SNTA1: variants seen among roughly 807,000 people sequenced by gnomAD.
The protein encoded by SNTA1 is syntrophin alpha 1.
A neutral mutation model predicts 47.1 loss-of-function variants in SNTA1; 31 were observed. The ratio of observed to expected loss-of-function variants is 0.66; its 90% CI spans 0.49 to 0.89. The LOEUF (loss-of-function observed/expected upper bound fraction) is 0.89. SNTA1 is among the 40% of genes least tolerant of loss of function. The probability of loss-of-function intolerance (pLI) is 0.00; values close to 1 mark genes in which losing one functional copy is unlikely to be tolerated. For missense variants in SNTA1, 575 were observed against 693.0 expected, an observed-to-expected ratio of 0.83 and a Z score of 1.91; for synonymous variants, 300 against 313.6, an observed-to-expected ratio of 0.96 and a Z score of 0.46.
Position 33,408,899 on chromosome 20 carries a change from G to A in SNTA1, c.1238-11C>T, listed in dbSNP as rs779500941. On this transcript the variant is annotated splice_polypyrimidine_tract_variant and intron_variant, in intron 6 of 7. Coordinates refer to ENST00000217381, the MANE Select transcript of SNTA1 (RefSeq NM_003098.3). ...CATTCCACGTGCAGGCTGCAGGGAG[G>A]GCACATAGGTACAGGCACAGCTGGC... 2.2e-5 allele frequency: 36 copies of A among 1,612,918 alleles called. No homozygotes were observed. In the Admixed American group the frequency reaches 4.0e-4, roughly 18 times the overall value.
intron 5 of SNTA1, among the ~76,000 whole-genome samples, chr20:33,410,857 C>G (rs1989722759): frequency 1.3e-5 from 2 of 152,112 alleles, no homozygotes; most frequent in African/African-American, 4.8e-5. Flanking sequence ...CACTGTATTC[C>G]CAGTAACTAA....
intron 2 of SNTA1, among the ~76,000 whole-genome samples, chr20:33,435,595 G>GA (rs1990424265): frequency 2.0e-5 from 3 of 151,874 alleles, no homozygotes; most frequent in South Asian, 2.1e-4. Context: ...CCTGCCTCAA[G>GA]AAAAAAACAC....
intron 2 of SNTA1, among the ~76,000 whole-genome samples, chr20:33,421,957 C>CAAAAA (rs34754645): frequency 1.4e-5 from 1 of 70,042 alleles, no homozygotes; most frequent in Non-Finnish European, 2.6e-5. Context: ...ACCCTGTCTC[C>CAAAAA]AAAAAAAAAA....
At chr20:33,438,733 C>A in intron 2 of SNTA1, 108 bp downstream of exon 2, 1 of 953,460 alleles carries the variant, frequency 1.0e-6, no homozygotes, top group Non-Finnish European at 1.7e-6. Flanking sequence ...TCCTGCCCAC[C>A]TCCCAGCCCC....
At chr20:33,412,480 C>T in intron 4 of SNTA1, 54 bp from the exon 5 acceptor site, 1 of 1,606,712 alleles carries the variant, frequency 6.2e-7, no homozygotes, top group Non-Finnish European at 8.5e-7. Flanking sequence ...GGGCAGAGGG[C>T]CAGGGCAGGG....
At position 33,412,347 on chromosome 20, in the gene SNTA1, G is replaced by A. The variant is rs546104057; in HGVS notation, c.989C>T (p.Thr330Ile). The A allele has an allele frequency of 3.2e-5, 51 of 1,611,968 alleles. No individual in the cohort carries two copies. The South Asian group carries it at 5.0e-4, about 16-fold the overall frequency. Residue 330 changes from threonine to isoleucine, a missense_variant, in exon 5 of 8, where the codon ACC becomes ATC. Coordinates refer to ENST00000217381, the MANE Select transcript of SNTA1 (RefSeq NM_003098.3). Reference protein sequence around the residue: ...ELLLYLSLPETREALSRPART... With the variant: ...ELLLYLSLPEIREALSRPART... ...GGCTGGCCGGCTCAGGGCCTCGCGGGTCTCGGGGAGAGACAAGTAGAGGAG... is the reference window on the plus strand; with the variant it reads ...GGCTGGCCGGCTCAGGGCCTCGCGGATCTCGGGGAGAGACAAGTAGAGGAG...
In SNTA1 at chr20:33,414,667, A is replaced by C. The variant is rs914424511; in HGVS notation, c.702-1885T>G. Among the ~76,000 whole-genome samples the C allele has an allele frequency of 2.8e-4, 42 of 152,346 alleles. 1 individual carries two copies. In the East Asian group the frequency reaches 7.3e-3, roughly 27 times the overall value. On this transcript the variant is annotated intron_variant, in intron 3 of 7. Transcript: ENST00000217381. ...GTTGGTTTGTGATACAGCAACAGAT[A>C]GCCAAAATACTAGCAGAAAAGACTC...
In SNTA1 at chr20:33,417,819, A is replaced by G. The variant is rs1274179290; in HGVS notation, c.601T>C (p.Ser201Pro). The G allele has an allele frequency of 6.2e-7, 1 of 1,613,868 alleles. No individual in the cohort carries two copies. Among genetic ancestry groups the G allele is most frequent in the Non-Finnish European group, 8.5e-7 (1 of 1,179,956 alleles). Residue 201 changes from serine (S) to proline (P), a missense_variant, in exon 3 of 8, where the codon TCC becomes CCC. By Grantham distance (74) the Ser-to-Pro change is moderately conservative. Coordinates refer to ENST00000217381, the MANE Select transcript of SNTA1 (RefSeq NM_003098.3). ...AAGTTCCGGGGTGTGGGGCCAGGGG[A>G]GGAAGGCTGCCGCTGAAGGGGTGAG... The part of the protein sequence containing the change: ...PASPLQRQPS[S>P]PGPTPRNFSE...
chr20:33,432,932 T>C (rs1278403757), intron 2 of SNTA1, among the ~76,000 whole-genome samples: 1 of 151,754 alleles, frequency 6.6e-6, no homozygotes, highest in Non-Finnish European at 1.5e-5. Context: ...ATTCACTTTA[T>C]TAATTTTTTT....
chr20:33,439,666 T>G (rs1990531779), intron 1 of SNTA1, among the ~76,000 whole-genome samples: 1 of 152,218 alleles, frequency 6.6e-6, no homozygotes, highest in African/African-American at 2.4e-5. Flanking sequence ...TAAATATATA[T>G]GCCTACTATG....
chr20:33,436,112 G>A (rs771322777), intron 2 of SNTA1, among the ~76,000 whole-genome samples: 1 of 152,044 alleles, frequency 6.6e-6, no homozygotes, highest in Non-Finnish European at 1.5e-5. Flanking sequence ...AGAATGGCGT[G>A]AACCCGGGAG....
intron 2 of SNTA1, among the ~76,000 whole-genome samples, chr20:33,428,897 C>T (rs561303365): frequency 6.6e-6 from 1 of 151,884 alleles, no homozygotes; most frequent in South Asian, 2.1e-4. Context: ...AAAAATTAGC[C>T]AGGTGTGGTG....
intron 2 of SNTA1, among the ~76,000 whole-genome samples, chr20:33,428,479 C>T (rs994311877): frequency 5.9e-5 from 9 of 151,714 alleles, no homozygotes; most frequent in East Asian, 1.9e-4. Context: ...CAACTTATTA[C>T]GTGATAAAAG....
At chr20:33,436,509 G>C (rs1439091625) in intron 2 of SNTA1, among the ~76,000 whole-genome samples, 3 of 151,992 alleles carry the variant, frequency 2.0e-5, no homozygotes, top group African/African-American at 7.3e-5. Context: ...AAGCTTCTAA[G>C]GATCAACACT....
At chr20:33,440,147 T>C (rs780688888) in intron 1 of SNTA1, among the ~76,000 whole-genome samples, 5 of 147,698 alleles carry the variant, frequency 3.4e-5, no homozygotes, top group Non-Finnish European at 7.5e-5. Flanking sequence ...AAATACATAA[T>C]AAAAAAATAA....
intron 2 of SNTA1, among the ~76,000 whole-genome samples, chr20:33,419,382 C>T (rs562114423): frequency 8.5e-5 from 13 of 152,250 alleles, no homozygotes; most frequent in East Asian, 3.9e-4. Context: ...CTATTTCTGT[C>T]GCAGGAGATG....
Position 33,437,564 on chromosome 20 carries a change from C to T in SNTA1, c.496+1277G>A, listed in dbSNP as rs143837314. ...TTTTATATCTGGGTCAACCAAGGAC[C>T]GAGAACCTATTTGCTTCTGTGGCCT... On this transcript the variant is annotated intron_variant, in intron 2 of 7. Transcript: ENST00000217381. Among the ~76,000 whole-genome samples, 1,126 of 152,042 alleles carry T rather than the reference C, an allele frequency of 7.4e-3. 10 individuals carry two copies. The highest frequency in any genetic ancestry group is 0.025 in the African/African-American group (1,030 of 41,440).
At chr20:33,426,716 C>T (rs1990179617) in intron 2 of SNTA1, among the ~76,000 whole-genome samples, 1 of 151,824 alleles carries the variant, frequency 6.6e-6, no homozygotes, top group Non-Finnish European at 1.5e-5. Flanking sequence ...GAGCCAAGAT[C>T]GTGACATTGC....
At position 33,438,281 on chromosome 20, in the gene SNTA1, C is replaced by T. The variant is rs1448824958; in HGVS notation, c.496+560G>A. On this transcript the variant is annotated intron_variant, in intron 2 of 7. Transcript: ENST00000217381. ...TGCCACTGTATTCCAGCCTGGACAA[C>T]AGAGCAAGATTCCATCTCAAAAAAA... Among the ~76,000 whole-genome samples, 5 of 151,970 alleles carry T rather than the reference C, an allele frequency of 3.3e-5. 1 individual carries two copies. Among genetic ancestry groups the T allele is most frequent in the Non-Finnish European group, 7.4e-5 (5 of 68,026 alleles).
Sources: gnomAD v4.1 joint callset for allele counts (sites outside exome capture counted in the v4.1 genomes callset) on GRCh38, gnomAD v4.1.1 for gene constraint, MANE v1.5 for transcripts, NCBI Gene and HGNC (gene_info 2026-07-23, HGNC 2026-07-21) for gene names.